MDGA2: variants seen among roughly 807,000 people sequenced by gnomAD.
The protein encoded by MDGA2 is MAM domain containing glycosylphosphatidylinositol anchor 2.
In MDGA2, 40 loss-of-function variants were observed where a neutral mutation model predicts 117.8. That is an observed-to-expected ratio of 0.34 (90% CI 0.26 to 0.44). The LOEUF (loss-of-function observed/expected upper bound fraction) is 0.44. Ranked by LOEUF, MDGA2 falls within the 20% of genes least tolerant of loss-of-function variation. The probability of loss-of-function intolerance (pLI) is 1.00; values close to 1 mark genes in which losing one functional copy is unlikely to be tolerated. For synonymous variants in MDGA2, 452 were observed against 439.0 expected, an observed-to-expected ratio of 1.03 and a Z score of -0.37; for missense variants, 1,123 against 1,250.6, an observed-to-expected ratio of 0.90 and a Z score of 1.54.
chr14:47,022,786 T>C (rs1888332032), intron 8 of MDGA2, among the ~76,000 whole-genome samples: 1 of 152,120 alleles, frequency 6.6e-6, no homozygotes, highest in Admixed American at 6.5e-5. Context: ...AGTTCAAATG[T>C]GCATAAGAGA....
At chr14:47,241,419 C>T (rs568463014) in intron 2 of MDGA2, among the ~76,000 whole-genome samples, 38 of 151,916 alleles carry the variant, frequency 2.5e-4, no homozygotes, top group African/African-American at 7.5e-4. Flanking sequence ...CTATCTTTTC[C>T]ATTAAAATGT....
chr14:47,469,957 G>C (rs570782384), intron 1 of MDGA2, among the ~76,000 whole-genome samples: 3 of 152,156 alleles, frequency 2.0e-5, no homozygotes, highest in African/African-American at 7.2e-5. Flanking sequence ...TCTCTTCTCT[G>C]TATAAAAGAA....
chr14:47,056,575 C>G (rs1889683235), intron 7 of MDGA2, among the ~76,000 whole-genome samples: 1 of 152,110 alleles, frequency 6.6e-6, no homozygotes, highest in Non-Finnish European at 1.5e-5. Context: ...GGGAATTCCA[C>G]AGATCAGCAG....
chr14:47,147,602 G>C (rs922934123), intron 3 of MDGA2, among the ~76,000 whole-genome samples: 1 of 152,182 alleles, frequency 6.6e-6, no homozygotes, highest in Non-Finnish European at 1.5e-5. Flanking sequence ...TTTCTAGAGA[G>C]AGCAATTTTA....
intron 1 of MDGA2, among the ~76,000 whole-genome samples, chr14:47,325,780 G>A (rs569446987): frequency 6.6e-6 from 1 of 152,158 alleles, no homozygotes; most frequent in Non-Finnish European, 1.5e-5. Flanking sequence ...TATAATAGGT[G>A]GGCCAAACGA....
chr14:47,516,309 A>G (rs1894749287), intron 1 of MDGA2, among the ~76,000 whole-genome samples: 1 of 152,164 alleles, frequency 6.6e-6, no homozygotes, highest in Non-Finnish European at 1.5e-5. Context: ...TCTTTTACAA[A>G]TGACCTGTAG....
intron 1 of MDGA2, among the ~76,000 whole-genome samples, chr14:47,587,951 CA>C (rs1382961119): frequency 1.3e-5 from 2 of 151,842 alleles, no homozygotes; most frequent in African/African-American, 4.8e-5. Flanking sequence ...CTATTCCAAA[CA>C]TTTCATATAA....
chr14:47,105,948 C>T (rs867009419), intron 5 of MDGA2, among the ~76,000 whole-genome samples: 1,826 of 112,810 alleles, frequency 0.016, 42 homozygotes, highest in African/African-American at 0.062. Flanking sequence ...ACACCTGGTC[C>T]GGCTTACAGT....
At chr14:46,876,564 G>A (rs1333259285) in intron 12 of MDGA2, among the ~76,000 whole-genome samples, 1 of 151,480 alleles carries the variant, frequency 6.6e-6, no homozygotes, top group Non-Finnish European at 1.5e-5. Flanking sequence ...ATTACAACAT[G>A]ATTTTAGCAG....
chr14:47,072,112 G>GC (rs1260851132), intron 6 of MDGA2, among the ~76,000 whole-genome samples: 4,249 of 107,058 alleles, frequency 0.04, 664 homozygotes, highest in African/African-American at 0.14. Flanking sequence ...GGGGGGGGGG[G>GC]GGTTTGCAGG....
chr14:46,955,350 G>C (rs1053571353), intron 9 of MDGA2, among the ~76,000 whole-genome samples: 3 of 151,936 alleles, frequency 2.0e-5, no homozygotes, highest in African/African-American at 7.2e-5. Context: ...TTCTACTAAA[G>C]CTCATGAAGC....
At chr14:47,058,919 G>C in intron 7 of MDGA2, 4 of 971,056 alleles carry the variant, frequency 4.1e-6, no homozygotes, top group Non-Finnish European at 4.9e-6. Flanking sequence ...TGTTGCCATA[G>C]TGAGTTTATT....
intron 2 of MDGA2, among the ~76,000 whole-genome samples, chr14:47,259,911 A>G (rs1346900974): frequency 2.6e-5 from 4 of 152,062 alleles, no homozygotes; most frequent in Non-Finnish European, 2.9e-5. Flanking sequence ...TATATAAGAG[A>G]CTTTGACAAG....
At chr14:47,234,744 A>G (rs1161039810) in intron 2 of MDGA2, among the ~76,000 whole-genome samples, 1 of 152,134 alleles carries the variant, frequency 6.6e-6, no homozygotes, top group Non-Finnish European at 1.5e-5. Flanking sequence ...AGCAACTCTC[A>G]TTACAAAATG....
At chr14:47,640,933 T>C (rs1056207459) in intron 1 of MDGA2, among the ~76,000 whole-genome samples, 3 of 152,066 alleles carry the variant, frequency 2.0e-5, no homozygotes, top group Non-Finnish European at 4.4e-5. Flanking sequence ...GAGCTTACTA[T>C]GACTTGCACC....
chr14:47,252,020 A>G (rs913141452), intron 2 of MDGA2, among the ~76,000 whole-genome samples: 7 of 151,938 alleles, frequency 4.6e-5, no homozygotes, highest in African/African-American at 1.7e-4. Flanking sequence ...TCCCAGAGTG[A>G]CCTTTCCCTC....
intron 7 of MDGA2, chr14:47,059,003 G>A: frequency 1.0e-6 from 1 of 997,900 alleles, no homozygotes. Context: ...CTGTCTTTGG[G>A]AGTGATAAAA....
intron 10 of MDGA2, among the ~76,000 whole-genome samples, chr14:46,887,134 T>C (rs954541935): frequency 2.0e-5 from 3 of 152,010 alleles, no homozygotes; most frequent in Admixed American, 6.6e-5. Flanking sequence ...TCTACATTGA[T>C]AACTTCCTAA....
chr14:46,915,042 C>G (rs1448292844), intron 10 of MDGA2, among the ~76,000 whole-genome samples: 1 of 152,108 alleles, frequency 6.6e-6, no homozygotes, highest in Admixed American at 6.5e-5. Flanking sequence ...ACATGCCTAA[C>G]TCAGTGTATT....
Sources: allele counts gnomAD v4.1 joint callset (sites outside exome capture counted in the v4.1 genomes callset), GRCh38; gene constraint gnomAD v4.1.1; transcripts MANE v1.5; gene names NCBI Gene and HGNC (gene_info 2026-07-23, HGNC 2026-07-21).